The following NFIB variants were observed in gnomAD, a reference collection of about 807,000 sequenced individuals.
NFIB encodes the protein nuclear factor 1 B-type.
Under a neutral mutation model 61.5 loss-of-function variants are expected in NFIB, and 11 were observed. That is an observed-to-expected ratio of 0.18 (90% CI 0.11 to 0.30). The LOEUF (loss-of-function observed/expected upper bound fraction) is 0.30. NFIB is among the 10% of genes least tolerant of loss of function. The pLI is 1.00. For missense variants in NFIB, 471 were observed against 608.9 expected (o/e 0.77, Z 2.38); for synonymous variants, 260 against 216.5 (o/e 1.20, Z -1.76).
At chr9:14,473,648 A>G in the NFIB span, among the ~76,000 whole-genome samples, 1 of 151,912 alleles carries the variant, frequency 6.6e-6, no homozygotes, top group South Asian at 2.1e-4. Context: ...TCTGCATCCC[A>G]CTCTGTGCTG....
chr9:14,463,738 G>A, the NFIB span, among the ~76,000 whole-genome samples: 5 of 134,296 alleles, frequency 3.7e-5, no homozygotes, highest in Middle Eastern at 4.2e-3. Context: ...TCGGCTCACC[G>A]CAAGCTCCGC....
Position 14,125,657 on chromosome 9 carries a change from G to A in NFIB, c.1035C>T (p.Pro345=), listed in dbSNP as rs201301184. The change falls in exon 7 of 11, where the codon CCC becomes CCT. Residue 345 remains proline, a synonymous_variant. Transcript: ENST00000380953. ...CACTGTGTGCAACTCCAGGTATTCC[G>A]GGATGGTGGTGCTGGGGGAAAGTGC... ...RLSTFPQHHH[P]GIPGVAHSVI... The A allele has an allele frequency of 3.5e-5, 56 of 1,614,102 alleles. No individual in the cohort carries two copies. Among genetic ancestry groups the A allele is most frequent in the South Asian group, 3.2e-4 (29 of 91,078 alleles).
the NFIB span, among the ~76,000 whole-genome samples, chr9:14,530,206 G>A: frequency 2.0e-5 from 3 of 152,104 alleles, no homozygotes; most frequent in African/African-American, 7.2e-5. Flanking sequence ...CCAAGCCTTG[G>A]TATTGTCACA....
At chr9:14,378,958 G>T (rs1211351288) in intron 1 of NFIB, among the ~76,000 whole-genome samples, 1 of 152,146 alleles carries the variant, frequency 6.6e-6, no homozygotes, top group Non-Finnish European at 1.5e-5. Context: ...AAGGATGGAA[G>T]CCTCCCACAA....
chr9:14,294,959 C>T (rs1481258721), intron 2 of NFIB, among the ~76,000 whole-genome samples: 1 of 152,180 alleles, frequency 6.6e-6, no homozygotes, highest in East Asian at 1.9e-4. Flanking sequence ...CAAGGACCTC[C>T]ATGGACACAA....
intron 1 of NFIB, among the ~76,000 whole-genome samples, chr9:14,331,019 A>ATCT (rs2060815370): frequency 6.6e-6 from 1 of 152,168 alleles, no homozygotes. Flanking sequence ...TACCAGCCGG[A>ATCT]TCTTCTCTTC....
chr9:14,175,063 T>C (rs981879850), intron 3 of NFIB, among the ~76,000 whole-genome samples: 3 of 152,092 alleles, frequency 2.0e-5, no homozygotes, highest in Non-Finnish European at 2.9e-5. Context: ...ATTTGGTTTG[T>C]TTCTATTAGT....
intron 6 of NFIB, among the ~76,000 whole-genome samples, chr9:14,126,243 T>C (rs2039628623): frequency 6.6e-6 from 1 of 152,242 alleles, no homozygotes; most frequent in African/African-American, 2.4e-5. Context: ...AAAAAGTACA[T>C]TCCTTAATTT....
At chr9:14,516,750 C>G in the NFIB span, among the ~76,000 whole-genome samples, 3 of 152,180 alleles carry the variant, frequency 2.0e-5, no homozygotes, top group Non-Finnish European at 4.4e-5. Context: ...AGCTCTTGCC[C>G]TTAATCCTTC....
At position 14,201,964 on chromosome 9, in the gene NFIB, C is replaced by T. The variant is rs2049084119; in HGVS notation, c.563-22184G>A. On this transcript the variant is annotated intron_variant, in intron 2 of 10. Coordinates refer to ENST00000380953, the MANE Select transcript of NFIB (RefSeq NM_001190737.2). ...ATCATCCTTGGAACTCAGTCTACAA[C>T]AGTCAATAAAAGATGATTTGTTCTT... Among the ~76,000 whole-genome samples, 3 of 152,134 alleles carry T rather than the reference C, an allele frequency of 2.0e-5. No homozygotes were observed. The South Asian group carries it at 6.2e-4, about 32-fold the overall frequency.
chr9:14,436,094 G>C, the NFIB span, among the ~76,000 whole-genome samples: 2,608 of 152,324 alleles, frequency 0.017, 77 homozygotes, highest in African/African-American at 0.06. Flanking sequence ...AGGCAGCCAG[G>C]TTAAGGTAAC....
chr9:14,172,982 C>T (rs2045741098), intron 3 of NFIB, among the ~76,000 whole-genome samples: 2 of 152,238 alleles, frequency 1.3e-5, no homozygotes, highest in South Asian at 4.1e-4. Context: ...GTTGGCCAGG[C>T]TGGTCTCAAA....
chr9:14,145,948 G>A (rs2042237607), intron 6 of NFIB, among the ~76,000 whole-genome samples: 1 of 151,604 alleles, frequency 6.6e-6, no homozygotes, highest in South Asian at 2.1e-4. Context: ...GATCTTATTT[G>A]CAGACATGCT....
At chr9:14,352,715 G>A (rs1266587597) in intron 1 of NFIB, among the ~76,000 whole-genome samples, 1 of 152,230 alleles carries the variant, frequency 6.6e-6, no homozygotes, top group Admixed American at 6.5e-5. Context: ...ATCTCTCAGC[G>A]TTGTTGAGAG....
At chr9:14,427,958 T>G in the NFIB span, among the ~76,000 whole-genome samples, 1,175 of 126,710 alleles carry the variant, frequency 9.3e-3, 53 homozygotes, top group African/African-American at 0.034. Context: ...TTTTTTTTTT[T>G]TTTTTTGGCA....
intron 2 of NFIB, among the ~76,000 whole-genome samples, chr9:14,276,507 C>G (rs1588080770): frequency 6.6e-6 from 1 of 152,104 alleles, no homozygotes; most frequent in East Asian, 1.9e-4. Flanking sequence ...GTACCTTTCT[C>G]AGAGAAGGCT....
At chr9:14,472,280 C>G in the NFIB span, among the ~76,000 whole-genome samples, 1 of 152,166 alleles carries the variant, frequency 6.6e-6, no homozygotes. Flanking sequence ...AAGTTATGGA[C>G]GAAAGTGTAT....
At chr9:14,448,880 A>C in the NFIB span, among the ~76,000 whole-genome samples, 13 of 152,208 alleles carry the variant, frequency 8.5e-5, no homozygotes, top group Non-Finnish European at 1.8e-4. Flanking sequence ...ACACCTGCGT[A>C]AATCTTGCAT....
chr9:14,524,840 C>A, the NFIB span, among the ~76,000 whole-genome samples: 1 of 152,116 alleles, frequency 6.6e-6, no homozygotes, highest in Non-Finnish European at 1.5e-5. Flanking sequence ...TTTTCTTCAT[C>A]CACCCATGTT....
Sources: gnomAD v4.1 joint callset for allele counts (sites outside exome capture counted in the v4.1 genomes callset) on GRCh38, gnomAD v4.1.1 for gene constraint, MANE v1.5 for transcripts, NCBI Gene and HGNC (gene_info 2026-07-23, HGNC 2026-07-21) for gene names.